CAMK1D: variants seen among roughly 807,000 people sequenced by gnomAD.
CAMK1D encodes the protein calcium/calmodulin-dependent protein kinase type 1D.
CAMK1D carries 9 observed loss-of-function variants against 47.7 expected under a neutral mutation model. The observed-to-expected ratio is 0.19, with a 90% CI of 0.11 to 0.33. The LOEUF is 0.33. CAMK1D is among the 10% of genes least tolerant of loss of function. The pLI is 1.00. For missense variants in CAMK1D, 291 were observed against 488.7 expected (o/e 0.60, Z 3.81); for synonymous variants, 184 against 184.9 (o/e 0.99, Z 0.04).
intron 6 of CAMK1D, among the ~76,000 whole-genome samples, chr10:12,810,453 C>G (rs1049492849): frequency 6.6e-6 from 1 of 152,054 alleles, no homozygotes; most frequent in Non-Finnish European, 1.5e-5. Flanking sequence ...TTTGGTATTT[C>G]TAGCGGAGAC....
intron 3 of CAMK1D, among the ~76,000 whole-genome samples, chr10:12,703,949 C>T (rs993136021): frequency 1.3e-5 from 2 of 151,632 alleles, no homozygotes; most frequent in Admixed American, 1.3e-4. Context: ...CATATTTATT[C>T]AAAGGTTTGC....
At chr10:12,359,302 C>G (rs544062165) in intron 1 of CAMK1D, among the ~76,000 whole-genome samples, 1 of 152,162 alleles carries the variant, frequency 6.6e-6, no homozygotes, top group Non-Finnish European at 1.5e-5. Flanking sequence ...AGTCAATGCC[C>G]GCTCTCTATC....
chr10:12,487,020 A>C (rs1834239264), intron 1 of CAMK1D, among the ~76,000 whole-genome samples: 1 of 152,214 alleles, frequency 6.6e-6, no homozygotes, highest in Non-Finnish European at 1.5e-5. Flanking sequence ...AAAGAAAAAA[A>C]ACACCTTTTA....
intron 3 of CAMK1D, among the ~76,000 whole-genome samples, chr10:12,751,643 T>C (rs951397316): frequency 2.0e-5 from 3 of 152,140 alleles, no homozygotes; most frequent in African/African-American, 7.2e-5. Context: ...TAAGAGCGAA[T>C]GTATTGAGGG....
At chr10:12,591,379 C>T (rs979689252) in intron 2 of CAMK1D, among the ~76,000 whole-genome samples, 4 of 152,182 alleles carry the variant, frequency 2.6e-5, no homozygotes, top group Non-Finnish European at 5.9e-5. Context: ...CTCCCGTAAC[C>T]GATCACCCGG....
intron 1 of CAMK1D, among the ~76,000 whole-genome samples, chr10:12,459,568 A>G (rs1333454283): frequency 6.6e-6 from 1 of 152,184 alleles, no homozygotes; most frequent in Non-Finnish European, 1.5e-5. Context: ...TGTCTTCATG[A>G]CAGTCATTGT....
At chr10:12,422,024 G>T (rs528696895) in intron 1 of CAMK1D, among the ~76,000 whole-genome samples, 2 of 152,246 alleles carry the variant, frequency 1.3e-5, no homozygotes, top group South Asian at 4.1e-4. Context: ...CGTCAGGCTG[G>T]TCTTGAACTC....
chr10:12,580,878 A>ATTGTGC (rs1240870837), intron 2 of CAMK1D, among the ~76,000 whole-genome samples: 1 of 152,192 alleles, frequency 6.6e-6, no homozygotes, highest in African/African-American at 2.4e-5. Flanking sequence ...CTGTGGGGGC[A>ATTGTGC]TTGTGCTTTT....
intron 3 of CAMK1D, among the ~76,000 whole-genome samples, chr10:12,714,562 AC>A (rs1834048193): frequency 6.6e-6 from 1 of 152,076 alleles, no homozygotes; most frequent in East Asian, 1.9e-4. Context: ...CACTAAAAAT[AC>A]AAAAAATTAG....
chr10:12,582,853 C>A (rs1015658583), intron 2 of CAMK1D, among the ~76,000 whole-genome samples: 1 of 152,140 alleles, frequency 6.6e-6, no homozygotes, highest in Non-Finnish European at 1.5e-5. Flanking sequence ...AATTAAACAC[C>A]CACTGTTTAC....
At chr10:12,578,570 C>CAAAAAAAAAAAA (rs781669327) in intron 2 of CAMK1D, among the ~76,000 whole-genome samples, 3 of 93,312 alleles carry the variant, frequency 3.2e-5, no homozygotes, top group Admixed American at 1.1e-4. Context: ...AACTCCATCT[C>CAAAAAAAAAAAA]AAAAAAAAAA....
intron 1 of CAMK1D, among the ~76,000 whole-genome samples, chr10:12,526,600 G>A (rs1564392249): frequency 6.6e-6 from 1 of 152,122 alleles, no homozygotes. Context: ...TGGCCTCAGA[G>A]CAAAACAAGA....
At chr10:12,714,182 C>T (rs539600306) in intron 3 of CAMK1D, among the ~76,000 whole-genome samples, 68 of 152,220 alleles carry the variant, frequency 4.5e-4, no homozygotes, top group African/African-American at 1.3e-3. Context: ...AGTCTCTTAT[C>T]CATGGTCACC....
At chr10:12,710,346 T>C (rs1283895974) in intron 3 of CAMK1D, among the ~76,000 whole-genome samples, 1 of 152,194 alleles carries the variant, frequency 6.6e-6, no homozygotes, top group African/African-American at 2.4e-5. Context: ...TTGATAACTT[T>C]CGGTAATTTG....
chr10:12,756,846 TGAACCCAGG>T (rs1836251148), intron 3 of CAMK1D, among the ~76,000 whole-genome samples: 1 of 152,188 alleles, frequency 6.6e-6, no homozygotes, highest in Non-Finnish European at 1.5e-5. Context: ...GAGAATGGCG[TGAACCCAGG>T]GAGCTTGCAG....
intron 3 of CAMK1D, among the ~76,000 whole-genome samples, chr10:12,695,573 A>T (rs1203488899): frequency 6.6e-6 from 1 of 152,174 alleles, no homozygotes; most frequent in Non-Finnish European, 1.5e-5. Context: ...ACTATTTCAC[A>T]TCACGTAAAA....
intron 2 of CAMK1D, among the ~76,000 whole-genome samples, chr10:12,633,878 G>A (rs1320287990): frequency 6.6e-6 from 1 of 152,196 alleles, no homozygotes; most frequent in East Asian, 1.9e-4. Flanking sequence ...TTTTTAAAAG[G>A]TAGGCACAGG....
intron 2 of CAMK1D, among the ~76,000 whole-genome samples, chr10:12,598,373 G>T (rs1838204538): frequency 6.6e-6 from 1 of 152,140 alleles, no homozygotes; most frequent in East Asian, 1.9e-4. Context: ...AAATTCGAAC[G>T]ATGTCGATAA....
At chr10:12,578,580 A>AAAAAAAG (rs1010621218) in intron 2 of CAMK1D, among the ~76,000 whole-genome samples, 3 of 151,126 alleles carry the variant, frequency 2.0e-5, no homozygotes, top group Non-Finnish European at 2.9e-5. Context: ...CAAAAAAAAA[A>AAAAAAAG]AAAAAGTTTT....
Sources: allele counts gnomAD v4.1 joint callset (sites outside exome capture counted in the v4.1 genomes callset), GRCh38; gene constraint gnomAD v4.1.1; transcripts MANE v1.5; gene names NCBI Gene and HGNC (gene_info 2026-07-23, HGNC 2026-07-21).